Variants in SYNE2 observed in about 807,000 individuals in gnomAD.
The protein encoded by SYNE2 is nesprin-2.
SYNE2 carries 431 observed loss-of-function variants against 856.3 expected under a neutral mutation model. The ratio of observed to expected loss-of-function variants is 0.50; its 90% CI spans 0.47 to 0.55. The LOEUF is 0.55. Among genes scored for constraint, SYNE2 ranks in the 20% least tolerant of loss-of-function variants. The pLI, the probability that SYNE2 is intolerant of heterozygous loss-of-function variation, is 0.00. For missense variants in SYNE2, 8,129 were observed against 8,023.2 expected (o/e 1.01, Z -0.50); for synonymous variants, 2,923 against 2,872.3 (o/e 1.02, Z -0.56).
In SYNE2 at chr14:63,986,607, A is replaced by T. The variant is rs954151604; in HGVS notation, c.2303A>T (p.Glu768Val). The T allele has an allele frequency of 6.2e-7, 1 of 1,614,030 alleles. No homozygotes were observed. The highest frequency in any genetic ancestry group is 1.3e-5 in the African/African-American group (1 of 74,944). Residue 768 changes from glutamate (E) to valine (V), a missense_variant, in exon 19 of 116, where the codon GAA becomes GTA. Physicochemically the swap from Glu to Val is moderately radical, Grantham distance 121. Transcript: ENST00000555002. ...GATGATGTGGACACCTCAATGGAAG[A>T]ATCTTTGAAGGTATGTGTGTAAAAG... ...DQDDVDTSME[E>V]SLKHLIAKGS... is the part of the protein sequence containing the mutation.
chr14:63,932,016 G>A (rs949109129), intron 2 of SYNE2, among the ~76,000 whole-genome samples: 32 of 152,318 alleles, frequency 2.1e-4, no homozygotes, highest in African/African-American at 7.7e-4. Flanking sequence ...GTAATAAGCG[G>A]AAAAGATTCA....
intron 96 of SYNE2, among the ~76,000 whole-genome samples, chr14:64,177,851 A>G (rs768565388): frequency 3.9e-5 from 6 of 152,228 alleles, no homozygotes; most frequent in Non-Finnish European, 7.3e-5. Flanking sequence ...AAATATGACT[A>G]AAGAATTCAT....
rs2096556875 is a variant in SYNE2 at position 63,977,909 on chromosome 14, T to C, written c.1298T>C (p.Leu433Pro). Residue 433 changes from leucine (L) to proline (P), a missense_variant, in exon 13 of 116, where the codon CTG becomes CCG. Coordinates refer to ENST00000555002, the MANE Select transcript of SYNE2 (RefSeq NM_182914.3). ...IQEKMTLFKS[L>P]MDRFEHHSNI... ...TCATGCTGAATTTCTTTTCAGAGCC[T>C]GATGGATAGATTTGAGCATCATTCG... is the stretch of plus-strand genomic sequence containing the variant. 15 of 1,610,252 alleles carry C rather than the reference T, an allele frequency of 9.3e-6. No homozygotes were observed. The East Asian group carries it at 3.1e-4, about 34-fold the overall frequency.
chr14:63,909,040 G>A (rs149650424), intron 1 of SYNE2, 58 bp from the exon 2 acceptor site: 3 of 857,960 alleles, frequency 3.5e-6, no homozygotes, highest in African/African-American at 3.3e-5. Flanking sequence ...GGCAATGCAT[G>A]TTTACTAGAA....
chr14:64,195,769 G>C (rs2098538126), intron 99 of SYNE2, among the ~76,000 whole-genome samples: 2 of 152,144 alleles, frequency 1.3e-5, no homozygotes, highest in Admixed American at 1.3e-4. Context: ...AGGTTTTCTG[G>C]AACACCAAAC....
At chr14:63,784,978 G>A (rs1887461086) in intron 1 of SYNE2, among the ~76,000 whole-genome samples, 1 of 151,756 alleles carries the variant, frequency 6.6e-6, no homozygotes. Context: ...TGTTGTATTT[G>A]TGAATGTAGG....
At chr14:64,097,355 T>G (rs761902151) in intron 61 of SYNE2, among the ~76,000 whole-genome samples, 5 of 152,016 alleles carry the variant, frequency 3.3e-5, no homozygotes, top group Non-Finnish European at 7.4e-5. Context: ...GTAAATGAAT[T>G]TAGTAATACC....
chr14:64,003,352 C>T (rs764344172), intron 30 of SYNE2, 22 bp downstream of exon 30: 2 of 1,613,814 alleles, frequency 1.2e-6, no homozygotes, highest in South Asian at 1.1e-5. Flanking sequence ...CCATCCATTT[C>T]CATCCAAGGT....
chr14:63,918,257 A>G (rs919608272), intron 2 of SYNE2, among the ~76,000 whole-genome samples: 1 of 152,220 alleles, frequency 6.6e-6, no homozygotes. Context: ...GATTTAGTGT[A>G]TGGTTTAACA....
At chr14:63,865,724 C>A (rs796305510) in intron 1 of SYNE2, among the ~76,000 whole-genome samples, 1,316 of 95,350 alleles carry the variant, frequency 0.014, 94 homozygotes, top group African/African-American at 0.041. Flanking sequence ...ACCCCCCCCC[C>A]AAAAAAAAAG....
intron 53 of SYNE2, 42 bp downstream of exon 53, chr14:64,074,178 C>T: frequency 6.3e-7 from 1 of 1,591,026 alleles, no homozygotes; most frequent in Non-Finnish European, 8.6e-7. Flanking sequence ...GGTACAGGCC[C>T]ACAGTCTTGT....
Position 64,150,507 on chromosome 14 carries a change from C to T in SYNE2, c.15640-2057C>T, listed in dbSNP as rs550459231. Among the ~76,000 whole-genome samples, 439 of 152,016 alleles carry T rather than the reference C, an allele frequency of 2.9e-3. 4 individuals are homozygous for T. The highest frequency in any genetic ancestry group is 0.01 in the African/African-American group (416 of 41,446). On this transcript the variant is annotated intron_variant, in intron 84 of 115. Coordinates refer to ENST00000555002, the MANE Select transcript of SYNE2 (RefSeq NM_182914.3). Reference sequence around the variant, plus strand: ...AAGTGCTGGGATTACAGGCGTGAGCCACTGTGCCCGGCATGGCTGTTGTTT... The same window carrying T: ...AAGTGCTGGGATTACAGGCGTGAGCTACTGTGCCCGGCATGGCTGTTGTTT...
intron 1 of SYNE2, among the ~76,000 whole-genome samples, chr14:63,803,674 T>C (rs1888249828): frequency 6.6e-6 from 1 of 151,920 alleles, no homozygotes; most frequent in Non-Finnish European, 1.5e-5. Context: ...GCTGAGGGAG[T>C]GGGCTCAAGC....
chr14:63,982,786 A>G lies in SYNE2; in HGVS notation c.1993A>G (p.Thr665Ala). 1 of 1,613,858 alleles carries G rather than the reference A, an allele frequency of 6.2e-7. No homozygotes were observed. The highest frequency in any genetic ancestry group is 8.5e-7 in the Non-Finnish European group (1 of 1,179,896). ...AAGATGGAGAAAGTTGGTTTCAAAA[A>G]CTCAACTTGTAAGTTCTTTTGATTG... Reference protein sequence around the residue: ...NKRWRKLVSKTQLEMNLPLMI... With the variant: ...NKRWRKLVSKAQLEMNLPLMI... The change falls in exon 17 of 116, where the codon ACT (threonine) becomes GCT (alanine). Residue 665 changes from threonine to alanine, a missense_variant. Physicochemically the swap from Thr to Ala is moderately conservative, Grantham distance 58. Coordinates refer to ENST00000555002, the MANE Select transcript of SYNE2 (RefSeq NM_182914.3).
intron 1 of SYNE2, among the ~76,000 whole-genome samples, chr14:63,885,328 A>G (rs1283654155): frequency 3.3e-5 from 3 of 90,982 alleles, no homozygotes; most frequent in Non-Finnish European, 7.3e-5. Context: ...GGCCTTTCTC[A>G]CTGTCTCTCT....
intron 108 of SYNE2, 59 bp downstream of exon 108, chr14:64,216,446 A>G (rs1257431674): frequency 1.8e-5 from 29 of 1,586,622 alleles, no homozygotes; most frequent in Non-Finnish European, 2.4e-5. Context: ...TTACATTTGC[A>G]AGAGAGAGAG....
chr14:63,954,918 A>C lies in SYNE2; in HGVS notation c.787+3A>C, dbSNP rs1027371955. On this transcript the variant is annotated splice_donor_region_variant and intron_variant, in intron 8 of 115. Coordinates refer to ENST00000555002, the MANE Select transcript of SYNE2 (RefSeq NM_182914.3). The stretch of plus-strand genomic sequence containing the variant: ...CCCCAGATTGCTGGAACCAGAAGGT[A>C]AAGAAGCTTCTTTGTTTTTAAAACA... 6.2e-7 allele frequency: 1 copy of C among 1,607,958 alleles called. No homozygotes were observed. The highest frequency in any genetic ancestry group is 1.3e-5 in the African/African-American group (1 of 74,974).
chr14:63,909,962 T>G (rs1046924117), intron 2 of SYNE2, among the ~76,000 whole-genome samples: 1 of 152,252 alleles, frequency 6.6e-6, no homozygotes, highest in Non-Finnish European at 1.5e-5. Flanking sequence ...GTGCTGTCAT[T>G]TTTTTAAAAG....
chr14:64,000,721 T>C lies in SYNE2; in HGVS notation c.3638+2T>C. On this transcript the variant is annotated splice_donor_variant, in intron 28 of 115. Transcript: ENST00000555002. LOFTEE classifies it high-confidence loss of function. ...GCTTCAGATGACTCTTAATACCAGG[T>C]AAAATTCTGAGATCTATTAACTATG... 1 of 1,610,634 alleles carries C rather than the reference T, an allele frequency of 6.2e-7. No individual in the cohort carries two copies. Among genetic ancestry groups the C allele is most frequent in the Non-Finnish European group, 8.5e-7 (1 of 1,178,736 alleles).
Sources: allele counts gnomAD v4.1 joint callset (sites outside exome capture counted in the v4.1 genomes callset), GRCh38; gene constraint gnomAD v4.1.1; transcripts MANE v1.5; gene names NCBI Gene and HGNC (gene_info 2026-07-23, HGNC 2026-07-21).